TICRR: variants seen among roughly 807,000 people sequenced by gnomAD.
TICRR encodes treslin.
A neutral mutation model predicts 178.1 loss-of-function variants in TICRR; 132 were observed. The observed-to-expected ratio is 0.74, with a 90% CI of 0.64 to 0.86. The LOEUF (loss-of-function observed/expected upper bound fraction) is 0.86. Among genes scored for constraint, TICRR ranks in the 40% least tolerant of loss-of-function variants. TICRR has a pLI of 0.00. For synonymous variants in TICRR, 991 were observed against 900.7 expected, an observed-to-expected ratio of 1.10 and a Z score of -1.79; for missense variants, 2,587 against 2,334.3, an observed-to-expected ratio of 1.11 and a Z score of -2.23.
At chr15:89,578,688 TG>T (rs1444115142) in intron 1 of TICRR, among the ~76,000 whole-genome samples, 1 of 151,258 alleles carries the variant, frequency 6.6e-6, no homozygotes, top group Non-Finnish European at 1.5e-5. Flanking sequence ...TTGAAATAAG[TG>T]GGTTGACTGG....
Position 89,575,997 on chromosome 15 carries a change from GAGCGAGGCC to G in TICRR, c.413_421del (p.Ser138_Ala140del). On this transcript the variant is annotated inframe_deletion, in exon 1 of 22. Coordinates refer to ENST00000268138, the MANE Select transcript of TICRR (RefSeq NM_152259.4). The stretch of plus-strand genomic sequence containing the variant: ...GCGGGAGGAGACTGCTGGACGTGGA[GAGCGAGGCC>G]AAGGAGGCCGAGGCCGCGCTCGGGG... 6.2e-7 allele frequency: 1 copy of G among 1,607,550 alleles called. No individual in the cohort carries two copies. Among genetic ancestry groups the G allele is most frequent in the Non-Finnish European group, 8.5e-7 (1 of 1,178,026 alleles).
In TICRR at chr15:89,625,399, G is replaced by A. The variant is rs762543263; in HGVS notation, c.5089G>A (p.Gly1697Ser). Residue 1697 changes from glycine (G) to serine (S), a missense_variant, in exon 20 of 22, where the codon GGC becomes AGC. Transcript: ENST00000268138. ...RRKRAVGCGA[G>S]SSSGRGEVGA... The stretch of plus-strand genomic sequence containing the variant: ...GAAGAGGGCGGTGGGCTGTGGCGCC[G>A]GCTCCTCTTCCGGGAGGGGCGAGGT... 61 of 1,613,796 alleles carry A rather than the reference G, an allele frequency of 3.8e-5. No individual in the cohort carries two copies. Among genetic ancestry groups the A allele is most frequent in the Non-Finnish European group, 4.9e-5 (58 of 1,180,004 alleles).
intron 14 of TICRR, 97 bp downstream of exon 14, chr15:89,606,922 G>A (rs780622466): frequency 2.1e-5 from 21 of 988,752 alleles, no homozygotes; most frequent in Non-Finnish European, 3.1e-5. Flanking sequence ...GTAAATTAAG[G>A]CTTTGTATGA....
At chr15:89,601,468 A>C in intron 10 of TICRR, 21 bp from the exon 11 acceptor site, 1 of 1,613,990 alleles carries the variant, frequency 6.2e-7, no homozygotes, top group Non-Finnish European at 8.5e-7. Context: ...CTATATAGTA[A>C]CGTTCTAAAA....
chr15:89,577,441 ACT>A (rs1461309061), intron 1 of TICRR, among the ~76,000 whole-genome samples: 1 of 152,072 alleles, frequency 6.6e-6, no homozygotes, highest in Non-Finnish European at 1.5e-5. Flanking sequence ...TGCCTACCAC[ACT>A]GTTTGAGCTG....
intron 9 of TICRR, 80 bp from the exon 10 acceptor site, chr15:89,601,218 A>C: frequency 7.9e-7 from 1 of 1,259,590 alleles, no homozygotes; most frequent in Non-Finnish European, 1.1e-6. Context: ...GTCTTATATA[A>C]ATAGATCTAT....
At position 89,625,993 on chromosome 15, in the gene TICRR, A is replaced by G; in HGVS notation, c.5534A>G (p.Gln1845Arg). The G allele has an allele frequency of 6.2e-7, 1 of 1,610,208 alleles. No homozygotes were observed. Residue 1845 changes from glutamine to arginine, a missense_variant, in exon 21 of 22, where the codon CAG becomes CGG. By Grantham distance (43) the Gln-to-Arg change is conservative. Coordinates refer to ENST00000268138, the MANE Select transcript of TICRR (RefSeq NM_152259.4). ...AGCTGCCTCTCTGCCAGTGCCCTCCAGGCTCTGACCCAGTCTCCGCTGCTG... is the reference window on the plus strand; with the variant it reads ...AGCTGCCTCTCTGCCAGTGCCCTCCGGGCTCTGACCCAGTCTCCGCTGCTG... Reference protein sequence around the residue: ...VRSCLSASALQALTQSPLLFQ... With the variant: ...VRSCLSASALRALTQSPLLFQ...
intron 1 of TICRR, among the ~76,000 whole-genome samples, chr15:89,581,627 A>G (rs1397144745): frequency 6.6e-6 from 1 of 152,214 alleles, no homozygotes. Flanking sequence ...AAATGGTTCA[A>G]TATGCCTAGA....
At position 89,575,653 on chromosome 15, in the gene TICRR, G is replaced by A; in HGVS notation, c.67G>A (p.Val23Ile). The A allele has an allele frequency of 1.3e-6, 2 of 1,570,872 alleles. No individual in the cohort carries two copies. The highest frequency in any genetic ancestry group is 1.4e-5 in the African/African-American group (1 of 73,896). The stretch of plus-strand genomic sequence containing the variant: ...GGGCGGCGCCGCCCGCCACAGCCGG[G>A]TCCGGCGGGCCGCCCTGCGCCTCCT... ...TAGGAARHSRVRRAALRLLTY... is the reference protein window; with the variant it reads ...TAGGAARHSRIRRAALRLLTY... The change falls in exon 1 of 22, where the codon GTC (valine) becomes ATC (isoleucine). Residue 23 changes from valine (V) to isoleucine (I), a missense_variant. Val to Ile is a conservative substitution (Grantham distance 29). Coordinates refer to ENST00000268138, the MANE Select transcript of TICRR (RefSeq NM_152259.4).
At chr15:89,580,715 G>A (rs146916863) in intron 1 of TICRR, among the ~76,000 whole-genome samples, 56 of 152,216 alleles carry the variant, frequency 3.7e-4, no homozygotes, top group Non-Finnish European at 7.5e-4. Context: ...ATCAAAGTCC[G>A]TCAGATGGTC....
intron 8 of TICRR, 34 bp downstream of exon 8, chr15:89,599,509 A>T (rs752619573): frequency 5.0e-6 from 8 of 1,592,898 alleles, no homozygotes; most frequent in African/African-American, 2.7e-5. Flanking sequence ...TTTGTCATGG[A>T]TGTAGTGGTT....
chr15:89,604,370 A>G (rs1963143342), intron 13 of TICRR, among the ~76,000 whole-genome samples: 1 of 152,272 alleles, frequency 6.6e-6, no homozygotes, highest in Non-Finnish European at 1.5e-5. Flanking sequence ...GTGAATGGCC[A>G]AAAGTTGCCA....
chr15:89,591,892 A>G, intron 4 of TICRR, 155 bp from the exon 5 acceptor site: 1 of 533,470 alleles, frequency 1.9e-6, no homozygotes, highest in Non-Finnish European at 3.3e-6. Context: ...ATAGGCCTGT[A>G]GCAGTTTGTG....
Position 89,601,885 on chromosome 15 carries a change from C to T in TICRR, c.2476C>T (p.Pro826Ser). 6.2e-7 allele frequency: 1 copy of T among 1,614,120 alleles called. No individual in the cohort carries two copies. The highest frequency in any genetic ancestry group is 8.5e-7 in the Non-Finnish European group (1 of 1,180,018). The part of the protein sequence containing the change: ...QENKSPLLSV[P>S]FLSSARRSVS... The stretch of plus-strand genomic sequence containing the variant: ...GAACAAATCACCACTTCTTTCTGTG[C>T]CTTTTTTGTCAAGTGCTCGTAGATC... The change falls in exon 12 of 22, where the codon CCT (proline) becomes TCT (serine). Residue 826 changes from proline to serine, a missense_variant. Physicochemically the swap from Pro to Ser is moderately conservative, Grantham distance 74. Coordinates refer to ENST00000268138, the MANE Select transcript of TICRR (RefSeq NM_152259.4).
At chr15:89,600,448 T>G in intron 8 of TICRR, 137 bp from the exon 9 acceptor site, 1 of 461,844 alleles carries the variant, frequency 2.2e-6, no homozygotes, top group Non-Finnish European at 3.9e-6. Context: ...AAGAAGAATA[T>G]TCACGTCACT....
Position 89,575,873 on chromosome 15 carries a change from G to T in TICRR, c.287G>T (p.Arg96Met). The change falls in exon 1 of 22, where the codon AGG becomes ATG. Residue 96 changes from arginine to methionine, a missense_variant. Arg to Met is a moderately conservative substitution (Grantham distance 91, BLOSUM62 -1). Transcript: ENST00000268138. ...GCCCACCTGCCCGGCCCGGCGCCCA[G>T]GGCCACCCACACGCACGGCGCCCTG... ...DRAHLPGPAPRATHTHGALME... is the reference protein window; with the variant it reads ...DRAHLPGPAPMATHTHGALME... 4 of 1,586,660 alleles carry T rather than the reference G, an allele frequency of 2.5e-6. No homozygotes were observed. The highest frequency in any genetic ancestry group is 3.4e-6 in the Non-Finnish European group (4 of 1,169,114).
Position 89,608,850 on chromosome 15 carries a change from C to T in TICRR, c.2770C>T (p.Pro924Ser), listed in dbSNP as rs765757062. The T allele has an allele frequency of 2.2e-5, 35 of 1,608,156 alleles. 1 individual carries two copies. Among genetic ancestry groups the T allele is most frequent in the Non-Finnish European group, 2.9e-5 (34 of 1,177,796 alleles). The stretch of plus-strand genomic sequence containing the variant: ...TCTTTTCAACCAGGAATTGCTTTCC[C>T]CTTCAAAGAGATCACTAAAGCGGGG... ...RNLFNQELLSPSKRSLKRGLP... is the reference protein window; with the variant it reads ...RNLFNQELLSSSKRSLKRGLP... Residue 924 changes from proline to serine, a missense_variant, in exon 15 of 22, where the codon CCT (proline) becomes TCT (serine). Pro to Ser is a moderately conservative substitution (Grantham distance 74). Coordinates refer to ENST00000268138, the MANE Select transcript of TICRR (RefSeq NM_152259.4).
At chr15:89,614,423 A>G (rs995612337) in intron 15 of TICRR, among the ~76,000 whole-genome samples, 1 of 151,720 alleles carries the variant, frequency 6.6e-6, no homozygotes, top group Admixed American at 6.6e-5. Context: ...TCCTGGCTTA[A>G]GCAATCCTCC....
intron 9 of TICRR, 148 bp from the exon 10 acceptor site, chr15:89,601,150 C>T: frequency 2.0e-6 from 1 of 494,434 alleles, no homozygotes; most frequent in Non-Finnish European, 3.6e-6. Flanking sequence ...ACCTATTTAT[C>T]TAATAACTAC....
Sources: gnomAD v4.1 joint callset for allele counts (sites outside exome capture counted in the v4.1 genomes callset) on GRCh38, gnomAD v4.1.1 for gene constraint, MANE v1.5 for transcripts, NCBI Gene and HGNC (gene_info 2026-07-23, HGNC 2026-07-21) for gene names.